The following ERICH1 variants were observed in gnomAD, a reference collection of about 807,000 sequenced individuals.
The protein encoded by ERICH1 is glutamate rich 1.
Under a neutral mutation model 39.6 loss-of-function variants are expected in ERICH1, and 56 were observed. That is an observed-to-expected ratio of 1.41 (90% CI 1.14 to 1.77). The LOEUF is 1.77. Ranked by LOEUF, ERICH1 falls within the 40% of genes most tolerant of loss-of-function variation. The pLI is 0.00. For synonymous variants in ERICH1, 313 were observed against 223.6 expected (o/e 1.40, Z -3.57); for missense variants, 826 against 575.4 (o/e 1.44, Z -4.45).
intron 1 of ERICH1, among the ~76,000 whole-genome samples, 178 bp from the exon 2 acceptor site, chr8:716,185 C>T (rs533974033): frequency 3.6e-4 from 55 of 152,364 alleles, no homozygotes; most frequent in African/African-American, 9.4e-4. Context: ...AGACTCTGCC[C>T]GCAGAGGAAC....
Position 673,684 on chromosome 8 carries a change from T to A in ERICH1, c.668A>T (p.Glu223Val), listed in dbSNP as rs753162742. 2.0e-5 allele frequency: 32 copies of A among 1,613,790 alleles called. No homozygotes were observed. The highest frequency in any genetic ancestry group is 2.7e-5 in the Non-Finnish European group (32 of 1,179,842). Residue 223 changes from glutamate (E) to valine (V), a missense_variant, in exon 4 of 6, where the codon GAG (glutamate) becomes GTG (valine). Transcript: ENST00000262109. ...CTCCCTGGTATCTTTAACGTCTTCCTCCCCGGCCAGTGTCGGGTCTTCCTC... is the reference window on the plus strand; with the variant it reads ...CTCCCTGGTATCTTTAACGTCTTCCACCCCGGCCAGTGTCGGGTCTTCCTC... Reference protein sequence around the residue: ...TSEEDPTLAGEEDVKDTREED... With the variant: ...TSEEDPTLAGVEDVKDTREED...
chr8:658,995 T>G (rs13261636), intron 3 of ERICH1, among the ~76,000 whole-genome samples: 4,065 of 114,610 alleles, frequency 0.035, 286 homozygotes, highest in Middle Eastern at 0.07. Context: ...ACATCTCCGG[T>G]GTGCACTGAG....
chr8:693,326 T>G (rs1288266978), intron 2 of ERICH1, among the ~76,000 whole-genome samples: 1 of 152,238 alleles, frequency 6.6e-6, no homozygotes, highest in Non-Finnish European at 1.5e-5. Context: ...AAGTTATACA[T>G]TTGTATCTTA....
chr8:621,541 A>G (rs995384123), intron 3 of ERICH1, among the ~76,000 whole-genome samples: 2 of 151,794 alleles, frequency 1.3e-5, no homozygotes, highest in Non-Finnish European at 2.9e-5. Context: ...AAAAAGAGAA[A>G]GGAGATAGAG....
chr8:724,303 C>T (rs1359798519), intron 1 of ERICH1, among the ~76,000 whole-genome samples: 1 of 152,148 alleles, frequency 6.6e-6, no homozygotes, highest in Non-Finnish European at 1.5e-5. Context: ...TAGTGAGATC[C>T]GATCTCTACA....
At chr8:703,263 C>T (rs563151163) in intron 2 of ERICH1, among the ~76,000 whole-genome samples, 2 of 152,298 alleles carry the variant, frequency 1.3e-5, no homozygotes, top group South Asian at 2.1e-4. Flanking sequence ...CAAGTGCACA[C>T]ACCCCATCCT....
chr8:702,149 A>G (rs569366835), intron 2 of ERICH1, among the ~76,000 whole-genome samples: 1 of 152,070 alleles, frequency 6.6e-6, no homozygotes, highest in African/African-American at 2.4e-5. Flanking sequence ...TGAAGCATCT[A>G]AAGAACCCCG....
chr8:715,915 G>C lies in ERICH1; in HGVS notation c.115C>G (p.Pro39Ala). ...EPQTLAVQNP[P>A]KKVTSEKVSQ... The stretch of plus-strand genomic sequence containing the variant: ...ACTTTCTCAGAGGTCACTTTCTTTG[G>C]TGGATTTTGGACGGCCAGCGTCTGG... Residue 39 changes from proline to alanine, a missense_variant, in exon 2 of 6, where the codon CCA becomes GCA. Pro to Ala is a conservative substitution (Grantham distance 27, BLOSUM62 -1). Coordinates refer to ENST00000262109, the MANE Select transcript of ERICH1 (RefSeq NM_207332.3). The C allele has an allele frequency of 1.2e-6, 2 of 1,614,000 alleles. No homozygotes were observed. The highest frequency in any genetic ancestry group is 1.7e-6 in the Non-Finnish European group (2 of 1,179,972).
intron 1 of ERICH1, among the ~76,000 whole-genome samples, chr8:728,731 C>G (rs892266521): frequency 2.0e-5 from 3 of 152,150 alleles, no homozygotes; most frequent in African/African-American, 7.2e-5. Context: ...AAAGTAGGCC[C>G]AAGAAATATC....
intron 3 of ERICH1, among the ~76,000 whole-genome samples, chr8:680,837 A>G (rs933264711): frequency 2.0e-5 from 3 of 152,220 alleles, no homozygotes; most frequent in African/African-American, 7.2e-5. Context: ...CCCCAGTTCC[A>G]CACACCACCT....
chr8:634,943 TG>T (rs1289748938), intron 3 of ERICH1, among the ~76,000 whole-genome samples: 1 of 152,220 alleles, frequency 6.6e-6, no homozygotes, highest in East Asian at 1.9e-4. Flanking sequence ...GCTGCCCTCT[TG>T]GTGCCTCTGG....
At chr8:729,204 A>G (rs1221971899) in intron 1 of ERICH1, among the ~76,000 whole-genome samples, 2 of 152,228 alleles carry the variant, frequency 1.3e-5, no homozygotes, top group African/African-American at 4.8e-5. Flanking sequence ...CGGTGAATAA[A>G]CGACGCCAAG....
rs981966352 is a variant in ERICH1, at chr8:723,733, T to C, written c.22+7407A>G. On this transcript the variant is annotated intron_variant, in intron 1 of 5. Transcript: ENST00000262109. Reference sequence around the variant, plus strand: ...TGGAAATCTGATTGTTTCAATTTTCTTTTTTCAGTAAAAACTAAGTTAAAT... The same window carrying C: ...TGGAAATCTGATTGTTTCAATTTTCCTTTTTCAGTAAAAACTAAGTTAAAT... Among the ~76,000 whole-genome samples, 4 of 152,254 alleles carry C rather than the reference T, an allele frequency of 2.6e-5. No homozygotes were observed. The South Asian group carries it at 8.3e-4, about 31-fold the overall frequency.
chr8:699,740 G>T (rs1364490354), intron 2 of ERICH1, among the ~76,000 whole-genome samples: 1 of 131,272 alleles, frequency 7.6e-6, no homozygotes, highest in Non-Finnish European at 1.6e-5. Flanking sequence ...CAGGCGCACA[G>T]ACACGCACAC....
At chr8:619,162 GC>G (rs1313736183) in intron 3 of ERICH1, among the ~76,000 whole-genome samples, 2 of 152,144 alleles carry the variant, frequency 1.3e-5, no homozygotes, top group African/African-American at 4.8e-5. Flanking sequence ...CCAGTCTGGG[GC>G]TCTGGCCACC....
intron 2 of ERICH1, among the ~76,000 whole-genome samples, chr8:711,502 T>TA (rs1814728291): frequency 7.2e-6 from 1 of 138,414 alleles, no homozygotes; most frequent in Non-Finnish European, 1.5e-5. Flanking sequence ...GTGTAAGATC[T>TA]TTTTTTTTTT....
chr8:621,876 T>C (rs1323696511), intron 3 of ERICH1, among the ~76,000 whole-genome samples: 1 of 152,092 alleles, frequency 6.6e-6, no homozygotes, highest in African/African-American at 2.4e-5. Context: ...CCAAACCAAC[T>C]CAAAAGGAAA....
At chr8:635,682 T>G (rs569369102) in intron 3 of ERICH1, among the ~76,000 whole-genome samples, 35 of 152,206 alleles carry the variant, frequency 2.3e-4, no homozygotes, top group Non-Finnish European at 3.5e-4. Context: ...CATGACTGGC[T>G]TCCCAAGCAG....
At chr8:720,256 C>A (rs573715582) in intron 1 of ERICH1, among the ~76,000 whole-genome samples, 28 of 152,286 alleles carry the variant, frequency 1.8e-4, no homozygotes, top group Admixed American at 1.2e-3. Context: ...GAGGTGCCCA[C>A]GAGGAAGGAC....
Sources: gnomAD v4.1 joint callset for allele counts (sites outside exome capture counted in the v4.1 genomes callset) on GRCh38, gnomAD v4.1.1 for gene constraint, MANE v1.5 for transcripts, NCBI Gene and HGNC (gene_info 2026-07-23, HGNC 2026-07-21) for gene names.